The following TXK variants were observed in gnomAD, a reference collection of about 807,000 sequenced individuals.
TXK encodes the protein TXK tyrosine kinase, also known as tyrosine-protein kinase TXK.
In TXK, 60 loss-of-function variants were observed where a neutral mutation model predicts 81.0. The observed-to-expected ratio is 0.74, with a 90% CI of 0.60 to 0.92. TXK has a LOEUF of 0.92. TXK is among the 40% of genes least tolerant of loss of function. The probability of loss-of-function intolerance (pLI) is 0.00; values close to 1 mark genes in which losing one functional copy is unlikely to be tolerated. For synonymous variants in TXK, 203 were observed against 210.7 expected, an observed-to-expected ratio of 0.96 and a Z score of 0.32; for missense variants, 581 against 638.3, an observed-to-expected ratio of 0.91 and a Z score of 0.97.
intron 6 of TXK, among the ~76,000 whole-genome samples, chr4:48,103,579 T>G (rs1156556236): frequency 6.6e-6 from 1 of 152,238 alleles, no homozygotes; most frequent in African/African-American, 2.4e-5. Flanking sequence ...ATTTCTAGAT[T>G]TCCTCAATAT....
Position 48,114,357 on chromosome 4 carries a change from A to C in TXK, c.62T>G (p.Val21Gly). 1 of 1,614,118 alleles carries C rather than the reference A, an allele frequency of 6.2e-7. No individual in the cohort carries two copies. Among genetic ancestry groups the C allele is most frequent in the Non-Finnish European group, 8.5e-7 (1 of 1,179,988 alleles). The change falls in exon 2 of 15, where the codon GTG becomes GGG. Residue 21 changes from valine to glycine, a missense_variant. Val to Gly is a moderately radical substitution (Grantham distance 109, BLOSUM62 -3). Coordinates refer to ENST00000264316, the MANE Select transcript of TXK (RefSeq NM_003328.3). ...TCGGAAGTAGACTTACCGCTTCTGC[A>C]CTGAACAGCAACAGCAGCAACAGAA... ...SVFCCCCCCS[V>G]QKRQMRTQIS...
chr4:48,118,567 C>T (rs935824556), intron 1 of TXK, among the ~76,000 whole-genome samples: 4 of 152,218 alleles, frequency 2.6e-5, no homozygotes, highest in African/African-American at 4.8e-5. Flanking sequence ...GATCACTTAA[C>T]TATTTGATGA....
At chr4:48,134,133 T>A in intron 1 of TXK, 22 bp downstream of exon 1, 1 of 1,612,212 alleles carries the variant, frequency 6.2e-7, no homozygotes, top group Non-Finnish European at 8.5e-7. Flanking sequence ...CAAAAATAAA[T>A]GACAAAGCCC....
intron 6 of TXK, among the ~76,000 whole-genome samples, chr4:48,095,904 T>G (rs372784855): frequency 3.9e-5 from 6 of 152,350 alleles, no homozygotes; most frequent in African/African-American, 1.4e-4. Context: ...TGTTGCATTG[T>G]TTAGATTCGT....
chr4:48,071,191 C>T (rs190610049), intron 14 of TXK, among the ~76,000 whole-genome samples: 4 of 152,260 alleles, frequency 2.6e-5, no homozygotes, highest in East Asian at 1.9e-4. Context: ...TGAGTCACTG[C>T]GCCCGGCCCA....
At chr4:48,120,776 C>T (rs1316055055) in intron 1 of TXK, among the ~76,000 whole-genome samples, 2 of 152,150 alleles carry the variant, frequency 1.3e-5, no homozygotes, top group Non-Finnish European at 2.9e-5. Context: ...AAGGCATGAG[C>T]CAGTCCTCCG....
In TXK at chr4:48,106,105, T is replaced by C. The variant is rs756262751; in HGVS notation, c.447-1150A>G. 1.5e-4 allele frequency: 23 copies of C among 152,188 alleles called. 1 individual carries two copies. Among genetic ancestry groups the C allele is most frequent in the Non-Finnish European group, 2.1e-4 (14 of 68,046 alleles). 9.4% of individuals were successfully genotyped at this position (152,188 alleles called of 1,614,324 possible). Reference sequence around the variant, plus strand: ...AAAAAAATTTTAATGCTTCATGAATTTGTGTGTCATCCTTGCACAGGGAAC... The same window carrying C: ...AAAAAAATTTTAATGCTTCATGAATCTGTGTGTCATCCTTGCACAGGGAAC... On this transcript the variant is annotated intron_variant, in intron 5 of 14. Coordinates refer to ENST00000264316, the MANE Select transcript of TXK (RefSeq NM_003328.3).
chr4:48,128,876 A>C (rs1719166269), intron 1 of TXK, among the ~76,000 whole-genome samples: 1 of 151,794 alleles, frequency 6.6e-6, no homozygotes, highest in Admixed American at 6.6e-5. Context: ...CTATCTTCAA[A>C]AGGCCCCATT....
At chr4:48,091,192 C>T (rs921065610) in intron 8 of TXK, among the ~76,000 whole-genome samples, 9 of 152,148 alleles carry the variant, frequency 5.9e-5, no homozygotes, top group African/African-American at 1.4e-4. Context: ...TTGTTGGACT[C>T]GAAGAATTCT....
intron 4 of TXK, among the ~76,000 whole-genome samples, chr4:48,111,535 G>A (rs565211747): frequency 3.3e-5 from 5 of 152,278 alleles, no homozygotes; most frequent in African/African-American, 9.6e-5. Flanking sequence ...TATACCCGCA[G>A]GTGTGGCTAA....
At chr4:48,128,818 C>T (rs750461112) in intron 1 of TXK, among the ~76,000 whole-genome samples, 2 of 151,958 alleles carry the variant, frequency 1.3e-5, no homozygotes, top group South Asian at 2.1e-4. Flanking sequence ...CCACCTGCCT[C>T]GGCCTCCCAA....
intron 6 of TXK, among the ~76,000 whole-genome samples, chr4:48,100,588 T>C (rs897513603): frequency 7.2e-5 from 11 of 152,230 alleles, no homozygotes; most frequent in Non-Finnish European, 1.5e-4. Context: ...CTTACATTTC[T>C]GGTAGGCATA....
chr4:48,071,294 G>GA (rs1309599960), intron 14 of TXK, among the ~76,000 whole-genome samples: 1 of 152,172 alleles, frequency 6.6e-6, no homozygotes, highest in Non-Finnish European at 1.5e-5. Flanking sequence ...ATAAGACTCA[G>GA]AAAATGCACT....
rs754923217 is a variant in TXK at position 48,114,416 on chromosome 4, C to A, written c.17-14G>T. 1.2e-5 allele frequency: 20 copies of A among 1,613,996 alleles called. No individual in the cohort carries two copies. The highest frequency in any genetic ancestry group is 1.5e-5 in the Non-Finnish European group (18 of 1,179,902). Reference sequence around the variant, plus strand: ...GGATGGTGTTATCTGAAAAGCAGATCATTTCTCAGCTGTTAGAAAGCCATG... The same window carrying A: ...GGATGGTGTTATCTGAAAAGCAGATAATTTCTCAGCTGTTAGAAAGCCATG... On this transcript the variant is annotated splice_polypyrimidine_tract_variant and intron_variant, in intron 1 of 14. Coordinates refer to ENST00000264316, the MANE Select transcript of TXK (RefSeq NM_003328.3).
At chr4:48,098,941 T>C (rs1267185922) in intron 6 of TXK, among the ~76,000 whole-genome samples, 2 of 85,704 alleles carry the variant, frequency 2.3e-5, no homozygotes, top group African/African-American at 9.0e-5. Context: ...AAAACAAACA[T>C]ACAAACAAAA....
chr4:48,131,565 G>T (rs1292058837), intron 1 of TXK, among the ~76,000 whole-genome samples: 1 of 152,154 alleles, frequency 6.6e-6, no homozygotes, highest in Non-Finnish European at 1.5e-5. Flanking sequence ...ACATTCAGCT[G>T]CAATATACAG....
chr4:48,116,846 A>G (rs1718827020), intron 1 of TXK, among the ~76,000 whole-genome samples: 1 of 152,204 alleles, frequency 6.6e-6, no homozygotes, highest in African/African-American at 2.4e-5. Flanking sequence ...AGAGGCAGAC[A>G]GGAAACATCC....
chr4:48,078,868 C>T (rs1717173749), intron 11 of TXK, among the ~76,000 whole-genome samples: 1 of 152,042 alleles, frequency 6.6e-6, no homozygotes. Context: ...TAGCAGAATG[C>T]TTGGCATATA....
At chr4:48,089,542 C>T (rs1385691641) in intron 9 of TXK, 2 of 391,516 alleles carry the variant, frequency 5.1e-6, no homozygotes, top group Non-Finnish European at 9.8e-6. Flanking sequence ...AGGCATCCAC[C>T]ACCAAACCCG....
Sources: allele counts gnomAD v4.1 joint callset (sites outside exome capture counted in the v4.1 genomes callset), GRCh38; gene constraint gnomAD v4.1.1; transcripts MANE v1.5; gene names NCBI Gene and HGNC (gene_info 2026-07-23, HGNC 2026-07-21).